PCDHA5: variants seen among roughly 807,000 people sequenced by gnomAD.
PCDHA5 encodes the protein protocadherin alpha 5.
Under a neutral mutation model 61.6 loss-of-function variants are expected in PCDHA5, and 43 were observed. That is an observed-to-expected ratio of 0.70 (90% CI 0.55 to 0.90). The LOEUF (loss-of-function observed/expected upper bound fraction) is 0.90. Ranked by LOEUF, PCDHA5 falls within the 40% of genes least tolerant of loss-of-function variation. The pLI is 0.00. For missense variants in PCDHA5, 1,298 were observed against 1,222.7 expected, an observed-to-expected ratio of 1.06 and a Z score of -0.92; for synonymous variants, 627 against 543.9, an observed-to-expected ratio of 1.15 and a Z score of -2.13.
intron 1 of PCDHA5, chr5:140,842,584 T>C (rs1245274554): frequency 1.3e-6 from 2 of 1,519,626 alleles, no homozygotes. Context: ...TGTCGGCCTA[T>C]GAGTTGGTGG....
chr5:140,870,427 G>A, intron 1 of PCDHA5: 1 of 1,614,220 alleles, frequency 6.2e-7, no homozygotes, highest in Non-Finnish European at 8.5e-7. Flanking sequence ...CAGGGTATCC[G>A]TGGAGGTGGC....
At position 140,841,428 on chromosome 5, in the gene PCDHA5, C is replaced by A. The variant is rs2150315251; in HGVS notation, c.2352+17301C>A. Reference sequence around the variant, plus strand: ...AGCGGCCAGCTCCACTACTCCGTCCCCGAGGAGGCCAAACACGGCACCTTC... The same window carrying A: ...AGCGGCCAGCTCCACTACTCCGTCCACGAGGAGGCCAAACACGGCACCTTC... On this transcript the variant is annotated intron_variant, in intron 1 of 3. Coordinates refer to ENST00000529859, the MANE Select transcript of PCDHA5 (RefSeq NM_018908.3). The A allele has an allele frequency of 7.4e-6, 12 of 1,612,842 alleles. No homozygotes were observed. The highest frequency in any genetic ancestry group is 5.0e-5 in the Admixed American group (3 of 59,990).
chr5:140,971,537 G>T (rs1414023721), intron 1 of PCDHA5, among the ~76,000 whole-genome samples: 1 of 152,136 alleles, frequency 6.6e-6, no homozygotes, highest in Non-Finnish European at 1.5e-5. Flanking sequence ...AGTCATCATT[G>T]CCAGATCAAC....
intron 1 of PCDHA5, chr5:140,884,124 G>C: frequency 6.2e-7 from 1 of 1,613,344 alleles, no homozygotes; most frequent in Non-Finnish European, 8.5e-7. Flanking sequence ...GTCGGCGCGC[G>C]CATCCCGTTC....
At chr5:140,958,692 T>C (rs2095438296) in intron 1 of PCDHA5, among the ~76,000 whole-genome samples, 2 of 152,190 alleles carry the variant, frequency 1.3e-5, no homozygotes, top group African/African-American at 4.8e-5. Flanking sequence ...TTGAATATCC[T>C]AGAGTGACAA....
chr5:140,922,722 T>C (rs2153565730), intron 1 of PCDHA5, among the ~76,000 whole-genome samples: 1 of 151,972 alleles, frequency 6.6e-6, no homozygotes, highest in Non-Finnish European at 1.5e-5. Context: ...AAAGAAACAC[T>C]TGACAAGGTT....
intron 1 of PCDHA5, chr5:140,875,520 C>T: frequency 1.2e-6 from 2 of 1,614,004 alleles, no homozygotes; most frequent in Non-Finnish European, 1.7e-6. Flanking sequence ...GTCTGCTGCT[C>T]TCGCTTCTGC....
Position 140,821,676 on chromosome 5 carries a change from A to C in PCDHA5, c.-100A>C. ...TTTGGCTGTGCCAAGAAGCTCAGAAAGGCGATAATATAAAAAATATATAGT... is the reference window on the plus strand; with the variant it reads ...TTTGGCTGTGCCAAGAAGCTCAGAACGGCGATAATATAAAAAATATATAGT... On this transcript the variant is annotated 5_prime_UTR_variant, in exon 1 of 4. Coordinates refer to ENST00000529859, the MANE Select transcript of PCDHA5 (RefSeq NM_018908.3). The C allele has an allele frequency of 7.6e-7, 1 of 1,310,990 alleles. No individual in the cohort carries two copies. Among genetic ancestry groups the C allele is most frequent in the Non-Finnish European group, 1.0e-6 (1 of 954,652 alleles). 81.2% of individuals were successfully genotyped at this position (1,310,990 alleles called of 1,614,324 possible). A position where few individuals can be genotyped will look rare whatever the true frequency, so the allele number is the denominator to read the frequency against.
Position 140,851,540 on chromosome 5 carries a change from T to C in PCDHA5, c.2352+27413T>C, listed in dbSNP as rs374686932. 3.9e-5 allele frequency: 35 copies of C among 908,070 alleles called. 3 individuals carry two copies. The East Asian group carries it at 1.2e-3, about 30-fold the overall frequency. 56.3% of individuals were successfully genotyped at this position (908,070 alleles called of 1,614,324 possible). A position where few individuals can be genotyped will look rare whatever the true frequency, so the allele number is the denominator to read the frequency against. On this transcript the variant is annotated intron_variant, in intron 1 of 3. Coordinates refer to ENST00000529859, the MANE Select transcript of PCDHA5 (RefSeq NM_018908.3). ...TTAAAATGCCTGACAATGTAGATAA[T>C]TCAAGAAATGTTGACTGAAATTTTG...
Position 140,883,762 on chromosome 5 carries a change from G to A in PCDHA5, c.2352+59635G>A, listed in dbSNP as rs782515575. 5 of 1,612,794 alleles carry A rather than the reference G, an allele frequency of 3.1e-6. No homozygotes were observed. The South Asian group carries it at 5.5e-5, about 18-fold the overall frequency. On this transcript the variant is annotated intron_variant, in intron 1 of 3. Coordinates refer to ENST00000529859, the MANE Select transcript of PCDHA5 (RefSeq NM_018908.3). ...TCTCCTACTCGCTGGTGGAGCGGCG[G>A]GTGGGCGAGCGTGCGCTGTCGAGCT... is the stretch of plus-strand genomic sequence containing the variant.
rs1199685974 is a variant in PCDHA5 at position 140,838,075 on chromosome 5, ATAGTGTGTGTGTGTGTGTGTGTGTGT to A, written c.2352+13949_2352+13974del. 9.4e-5 allele frequency among the ~76,000 whole-genome samples: 12 copies of A among 128,240 alleles called. 1 individual carries two copies. The highest frequency in any genetic ancestry group is 6.9e-4 in the East Asian group (3 of 4,320). The allele number at this position is 128,240 out of a possible 152,430, so 84.1% of individuals were successfully genotyped here. ...GTTTTCCACTTTAAGTTATATATAT[ATAGTGTGTGTGTGTGTGTGTGTGTGT>A]GTGTGTGTGTGTGTGTGTGTGTGTG... On this transcript the variant is annotated intron_variant, in intron 1 of 3. Transcript: ENST00000529859.
chr5:140,873,431 A>G (rs1395359965), intron 1 of PCDHA5, among the ~76,000 whole-genome samples: 1 of 152,228 alleles, frequency 6.6e-6, no homozygotes, highest in African/African-American at 2.4e-5. Context: ...ATTATTTTAT[A>G]TCACATAAAT....
intron 3 of PCDHA5, among the ~76,000 whole-genome samples, chr5:141,003,942 G>C (rs1054043476): frequency 2.0e-5 from 3 of 152,148 alleles, no homozygotes; most frequent in Non-Finnish European, 2.9e-5. Flanking sequence ...TTGCCTGAGG[G>C]TGAGCTAGGA....
intron 1 of PCDHA5, chr5:140,858,628 C>T (rs574787408): frequency 1.8e-6 from 2 of 1,091,216 alleles, no homozygotes; most frequent in South Asian, 3.4e-5. Context: ...CCCAGTGTGT[C>T]AGCCTTTGAT....
intron 1 of PCDHA5, chr5:140,884,293 GC>G: frequency 6.2e-7 from 1 of 1,613,666 alleles, no homozygotes; most frequent in Non-Finnish European, 8.5e-7. Flanking sequence ...GCGGCCAAGC[GC>G]CACAGGCTTC....
At chr5:140,929,972 G>A (rs2086500191) in intron 1 of PCDHA5, 1 of 152,084 alleles carries the variant, frequency 6.6e-6, no homozygotes, top group South Asian at 2.1e-4. Flanking sequence ...TTTTGGTGAA[G>A]GTGTCTTCTT....
chr5:140,856,211 C>G (rs374070531), intron 1 of PCDHA5: 1 of 1,598,094 alleles, frequency 6.3e-7, no homozygotes, highest in South Asian at 1.1e-5. Flanking sequence ...GGGGCTGGAG[C>G]TGGCGGAGCT....
intron 1 of PCDHA5, chr5:140,926,959 G>A: frequency 6.2e-7 from 1 of 1,604,022 alleles, no homozygotes; most frequent in Non-Finnish European, 8.5e-7. Context: ...GGGACAGCTC[G>A]AGTACTCAGT....
In PCDHA5 at chr5:140,836,450, A is replaced by G. The variant is rs2150261212; in HGVS notation, c.2352+12323A>G. ...GGGCATCGTTGGGCATTGCAGGCCC[A>G]GAGACCGAGCTGGTGGATGTCAACG... On this transcript the variant is annotated intron_variant, in intron 1 of 3. Transcript: ENST00000529859. 70 of 1,613,750 alleles carry G rather than the reference A, an allele frequency of 4.3e-5. 1 individual carries two copies. The African/African-American group carries it at 8.4e-4, about 19-fold the overall frequency.
Sources: allele counts gnomAD v4.1 joint callset (sites outside exome capture counted in the v4.1 genomes callset), GRCh38; gene constraint gnomAD v4.1.1; transcripts MANE v1.5; gene names NCBI Gene and HGNC (gene_info 2026-07-23, HGNC 2026-07-21).